CMTM8: variants seen among roughly 807,000 people sequenced by gnomAD.
CMTM8 encodes the protein CKLF-like MARVEL transmembrane domain-containing protein 8.
Under a neutral mutation model 18.6 loss-of-function variants are expected in CMTM8, and 12 were observed. The observed-to-expected ratio is 0.65, with a 90% confidence interval of 0.41 to 1.05. The LOEUF is 1.05. CMTM8 is among the 50% of genes least tolerant of loss of function. The pLI, the probability that CMTM8 is intolerant of heterozygous loss-of-function variation, is 0.00. For synonymous variants in CMTM8, 87 were observed against 90.6 expected, an observed-to-expected ratio of 0.96 and a Z score of 0.23; for missense variants, 217 against 227.2, an observed-to-expected ratio of 0.95 and a Z score of 0.29.
At chr3:32,311,184 A>G (rs1695813610) in intron 1 of CMTM8, among the ~76,000 whole-genome samples, 1 of 152,230 alleles carries the variant, frequency 6.6e-6, no homozygotes. Flanking sequence ...CAAGCTAAGA[A>G]TGACTTTTAT....
At chr3:32,333,005 A>C (rs1696310730) in intron 1 of CMTM8, among the ~76,000 whole-genome samples, 1 of 152,214 alleles carries the variant, frequency 6.6e-6, no homozygotes, top group Non-Finnish European at 1.5e-5. Flanking sequence ...TTTAATGTAC[A>C]TAGATGGTAG....
intron 1 of CMTM8, among the ~76,000 whole-genome samples, chr3:32,271,188 G>A (rs969090783): frequency 1.3e-5 from 2 of 152,118 alleles, no homozygotes; most frequent in Non-Finnish European, 2.9e-5. Context: ...GTGCAATGGC[G>A]TGATCTCAGC....
At position 32,271,645 on chromosome 3, in the gene CMTM8, T is replaced by C. The variant is rs556751847; in HGVS notation, c.147+32526T>C. Among the ~76,000 whole-genome samples, 60 of 152,340 alleles carry C rather than the reference T, an allele frequency of 3.9e-4. 1 individual carries two copies. The highest frequency in any genetic ancestry group is 1.4e-3 in the African/African-American group (60 of 41,584). On this transcript the variant is annotated intron_variant, in intron 1 of 3. Transcript: ENST00000307526. ...CGTACCATAATTTGCCCCTTCTAGGTTGATGGCCTCCTGTATTGCCATCTT... is the reference window on the plus strand; with the variant it reads ...CGTACCATAATTTGCCCCTTCTAGGCTGATGGCCTCCTGTATTGCCATCTT...
chr3:32,261,766 A>G (rs911129981), intron 1 of CMTM8, among the ~76,000 whole-genome samples: 4 of 152,186 alleles, frequency 2.6e-5, no homozygotes, highest in African/African-American at 7.2e-5. Context: ...GAATGAGTCA[A>G]CCACACCCTT....
At chr3:32,269,088 G>A (rs193057902) in intron 1 of CMTM8, among the ~76,000 whole-genome samples, 106 of 152,232 alleles carry the variant, frequency 7.0e-4, no homozygotes, top group Non-Finnish European at 5.3e-4. Context: ...CACTGAGCAG[G>A]CTTGAAGGGA....
chr3:32,296,042 A>T (rs1318905738), intron 1 of CMTM8, among the ~76,000 whole-genome samples: 1 of 151,938 alleles, frequency 6.6e-6, no homozygotes, highest in Non-Finnish European at 1.5e-5. Flanking sequence ...TCTTCAGGAA[A>T]CCATCCTTGA....
intron 1 of CMTM8, among the ~76,000 whole-genome samples, chr3:32,319,734 A>C (rs901384770): frequency 2.0e-5 from 3 of 152,224 alleles, no homozygotes; most frequent in East Asian, 3.8e-4. Context: ...TTAATAGGCT[A>C]ATAAAGGTAA....
chr3:32,275,644 C>CTTTT (rs771943263), intron 1 of CMTM8, among the ~76,000 whole-genome samples: 3 of 78,106 alleles, frequency 3.8e-5, no homozygotes, highest in South Asian at 6.0e-4. Flanking sequence ...CATGTACTTC[C>CTTTT]TTTTTTTTTT....
chr3:32,345,643 A>G (rs1696582984), intron 1 of CMTM8, among the ~76,000 whole-genome samples: 1 of 152,238 alleles, frequency 6.6e-6, no homozygotes, highest in Admixed American at 6.5e-5. Context: ...TAGCTCCATA[A>G]AAGATATCCA....
chr3:32,238,995 G>C lies in CMTM8; in HGVS notation c.23G>C (p.Arg8Pro), dbSNP rs757644080. The C allele has an allele frequency of 8.4e-6, 13 of 1,552,816 alleles. No individual in the cohort carries two copies. The African/African-American group carries it at 1.6e-4, about 20-fold the overall frequency. ...ACGATGGAGGAGCCGCAGCGCGCCC[G>C]CTCGCACACAGTCACCACCACCGCC... MEEPQRA[R>P]SHTVTTTASS... The change falls in exon 1 of 4, where the codon CGC (arginine) becomes CCC (proline). Residue 8 changes from arginine to proline, a missense_variant. Arg to Pro is a moderately radical substitution (Grantham distance 103, BLOSUM62 -2). Coordinates refer to ENST00000307526, the MANE Select transcript of CMTM8 (RefSeq NM_178868.5).
intron 1 of CMTM8, among the ~76,000 whole-genome samples, chr3:32,285,591 G>A (rs184206862): frequency 2.6e-5 from 4 of 152,064 alleles, no homozygotes; most frequent in South Asian, 2.1e-4. Context: ...AGTGTATTGC[G>A]CTCATTTTGG....
At chr3:32,293,864 C>A (rs935177977) in intron 1 of CMTM8, among the ~76,000 whole-genome samples, 2 of 152,136 alleles carry the variant, frequency 1.3e-5, no homozygotes, top group Admixed American at 6.6e-5. Context: ...ACAAACTGTG[C>A]TCTGTGAGTA....
intron 1 of CMTM8, among the ~76,000 whole-genome samples, chr3:32,355,692 A>C (rs916512046): frequency 6.6e-6 from 1 of 152,166 alleles, no homozygotes; most frequent in African/African-American, 2.4e-5. Context: ...TGCCCTTCGG[A>C]TAAAGCACAA....
intron 1 of CMTM8, among the ~76,000 whole-genome samples, chr3:32,323,424 A>G (rs1339052270): frequency 6.6e-6 from 1 of 152,224 alleles, no homozygotes; most frequent in Admixed American, 6.5e-5. Flanking sequence ...TGTATAAAAA[A>G]ATATTTTTTT....
intron 1 of CMTM8, among the ~76,000 whole-genome samples, chr3:32,350,959 C>G (rs1696696888): frequency 6.6e-6 from 1 of 152,168 alleles, no homozygotes; most frequent in Admixed American, 6.5e-5. Context: ...GCACCTGGCT[C>G]TGTTCTAAGC....
rs1702579456 is a variant in CMTM8 at position 32,279,855 on chromosome 3, T to C, written c.147+40736T>C. 2.1e-5 allele frequency among the ~76,000 whole-genome samples: 3 copies of C among 142,266 alleles called. No individual in the cohort carries two copies. In the South Asian group the frequency reaches 7.4e-4, roughly 35 times the overall value. The allele number at this position is 142,266 out of a possible 152,430, so 93.3% of individuals were successfully genotyped here. On this transcript the variant is annotated intron_variant, in intron 1 of 3. Coordinates refer to ENST00000307526, the MANE Select transcript of CMTM8 (RefSeq NM_178868.5). ...TCCAGCACCTGTTGCTTCCTGACTT[T>C]TTAATGATTGCCATTCTAACTGGTG...
rs115210541 is a variant in CMTM8, at chr3:32,269,579, C to T, written c.147+30460C>T. Among the ~76,000 whole-genome samples the T allele has an allele frequency of 0.041, 6,189 of 152,170 alleles. 606 individuals carry two copies. The East Asian group carries it at 0.43, about 10-fold the overall frequency. On this transcript the variant is annotated intron_variant, in intron 1 of 3. Transcript: ENST00000307526. Reference sequence around the variant, plus strand: ...CTAGTTTAGCGGCTAGCCTGTGGAACAAGAACTCAGGTGGGAGCTGACGCT... The same window carrying T: ...CTAGTTTAGCGGCTAGCCTGTGGAATAAGAACTCAGGTGGGAGCTGACGCT...
At chr3:32,259,204 C>T in intron 1 of CMTM8, 1 of 524,446 alleles carries the variant, frequency 1.9e-6, no homozygotes, top group Non-Finnish European at 3.5e-6. Flanking sequence ...GGAGACCACG[C>T]ACAGCCTGAA....
intron 1 of CMTM8, among the ~76,000 whole-genome samples, chr3:32,295,455 C>CAAAAAAAAAAAAAAA (rs1400148634): frequency 7.3e-5 from 2 of 27,544 alleles, no homozygotes; most frequent in African/African-American, 1.3e-4. Context: ...GACTCCATCT[C>CAAAAAAAAAAAAAAA]AAAAAAAAAA....
Sources: gnomAD v4.1 joint callset for allele counts (sites outside exome capture counted in the v4.1 genomes callset) on GRCh38, gnomAD v4.1.1 for gene constraint, MANE v1.5 for transcripts, NCBI Gene and HGNC (gene_info 2026-07-23, HGNC 2026-07-21) for gene names.